The following SGCZ variants were observed in gnomAD, a reference collection of about 807,000 sequenced individuals.
SGCZ encodes sarcoglycan zeta, also known as zeta-sarcoglycan.
Under a neutral mutation model 41.3 loss-of-function variants are expected in SGCZ, and 40 were observed. That is an observed-to-expected ratio of 0.97 (90% CI 0.75 to 1.26). The LOEUF (loss-of-function observed/expected upper bound fraction) is 1.26. Ranked by LOEUF, SGCZ falls within the 50% of genes most tolerant of loss-of-function variation. SGCZ has a pLI of 0.00. For missense variants in SGCZ, 552 were observed against 369.8 expected (o/e 1.49, Z -4.04); for synonymous variants, 206 against 137.5 (o/e 1.50, Z -3.49).
chr8:14,533,646 C>G (rs750928466), intron 2 of SGCZ, among the ~76,000 whole-genome samples: 1 of 151,918 alleles, frequency 6.6e-6, no homozygotes, highest in East Asian at 1.9e-4. Context: ...CAGCCAGGCT[C>G]TTTTCTGGTA....
At chr8:15,063,692 A>T (rs545792176) in intron 1 of SGCZ, among the ~76,000 whole-genome samples, 37 of 152,228 alleles carry the variant, frequency 2.4e-4, no homozygotes, top group Non-Finnish European at 5.0e-4. Flanking sequence ...AGTGCTTCAC[A>T]GAAGACCAGT....
At chr8:14,798,705 G>A (rs1044016642) in intron 1 of SGCZ, among the ~76,000 whole-genome samples, 1 of 143,876 alleles carries the variant, frequency 7.0e-6, no homozygotes, top group Non-Finnish European at 1.5e-5. Context: ...GAAGTAAAAT[G>A]TACCCTACAA....
intron 1 of SGCZ, among the ~76,000 whole-genome samples, chr8:15,088,330 C>A (rs1192394558): frequency 6.6e-6 from 1 of 152,068 alleles, no homozygotes; most frequent in Non-Finnish European, 1.5e-5. Flanking sequence ...ATGTCTATGG[C>A]ATTTAATAAA....
chr8:14,103,920 AT>A (rs1381964197), intron 6 of SGCZ, among the ~76,000 whole-genome samples: 1 of 152,104 alleles, frequency 6.6e-6, no homozygotes, highest in East Asian at 1.9e-4. Context: ...GTTAAAATGT[AT>A]TTTTTATCAC....
At chr8:14,203,445 G>T (rs1307707404) in intron 4 of SGCZ, among the ~76,000 whole-genome samples, 2 of 151,964 alleles carry the variant, frequency 1.3e-5, no homozygotes, top group Non-Finnish European at 2.9e-5. Context: ...TTTTCCTTTT[G>T]ATTTTTGTGC....
chr8:14,472,649 C>T (rs1028399735), intron 2 of SGCZ, among the ~76,000 whole-genome samples: 3 of 152,074 alleles, frequency 2.0e-5, no homozygotes, highest in Non-Finnish European at 4.4e-5. Flanking sequence ...CTCTTCCATT[C>T]TACTGGTCTC....
intron 3 of SGCZ, among the ~76,000 whole-genome samples, chr8:14,280,014 T>G (rs1800367777): frequency 6.6e-6 from 1 of 151,970 alleles, no homozygotes; most frequent in Non-Finnish European, 1.5e-5. Flanking sequence ...TGCCACCATC[T>G]TTTTGAATGG....
intron 2 of SGCZ, among the ~76,000 whole-genome samples, chr8:14,551,477 ATAT>A (rs1400653055): frequency 2.0e-4 from 1 of 4,890 alleles, no homozygotes; most frequent in African/African-American, 6.4e-4. Context: ...TATATATTAT[ATAT>A]TATATATATT....
At chr8:14,293,519 C>T (rs868206288) in intron 3 of SGCZ, among the ~76,000 whole-genome samples, 2 of 151,812 alleles carry the variant, frequency 1.3e-5, no homozygotes, top group East Asian at 1.9e-4. Context: ...CTTTTAACTC[C>T]GAATGAAATT....
intron 1 of SGCZ, among the ~76,000 whole-genome samples, chr8:15,020,934 A>C (rs1190234120): frequency 6.6e-6 from 1 of 152,204 alleles, no homozygotes; most frequent in Non-Finnish European, 1.5e-5. Flanking sequence ...GTGGATTAGG[A>C]AATGAATCTA....
chr8:15,001,271 T>A (rs73665355), intron 1 of SGCZ, among the ~76,000 whole-genome samples: 9,280 of 152,190 alleles, frequency 0.061, 625 homozygotes, highest in African/African-American at 0.17. Flanking sequence ...CTTCAGGGAG[T>A]TTCAAACACC....
chr8:15,209,621 A>T (rs1411932853), intron 1 of SGCZ, among the ~76,000 whole-genome samples: 1 of 152,160 alleles, frequency 6.6e-6, no homozygotes, highest in African/African-American at 2.4e-5. Context: ...CAATTCTGTA[A>T]GTGAGAAGAT....
intron 2 of SGCZ, among the ~76,000 whole-genome samples, chr8:14,489,190 G>T (rs902820994): frequency 9.2e-5 from 14 of 151,976 alleles, no homozygotes; most frequent in African/African-American, 3.4e-4. Context: ...TAACAAGGCT[G>T]TTTTGCAAGA....
At chr8:14,329,061 C>A (rs530629373) in intron 2 of SGCZ, among the ~76,000 whole-genome samples, 3 of 142,862 alleles carry the variant, frequency 2.1e-5, no homozygotes, top group Non-Finnish European at 4.9e-5. Flanking sequence ...ATATTTTCTG[C>A]GTTTTTTTTT....
At chr8:15,149,451 G>C (rs1799119523) in intron 1 of SGCZ, among the ~76,000 whole-genome samples, 1 of 152,208 alleles carries the variant, frequency 6.6e-6, no homozygotes, top group South Asian at 2.1e-4. Context: ...CAAGTTACTT[G>C]AATTAAAATG....
intron 1 of SGCZ, among the ~76,000 whole-genome samples, chr8:15,062,899 A>G (rs1370901163): frequency 6.6e-6 from 1 of 152,150 alleles, no homozygotes; most frequent in Non-Finnish European, 1.5e-5. Flanking sequence ...AACTTTTTAA[A>G]GCATAGTTAA....
chr8:14,725,072 C>G (rs1810007310), intron 1 of SGCZ, among the ~76,000 whole-genome samples: 1 of 152,116 alleles, frequency 6.6e-6, no homozygotes, highest in Non-Finnish European at 1.5e-5. Context: ...TTTTTTAGCT[C>G]CCACATATGA....
At chr8:14,727,961 G>A (rs1198957312) in intron 1 of SGCZ, among the ~76,000 whole-genome samples, 3 of 152,166 alleles carry the variant, frequency 2.0e-5, no homozygotes, top group Non-Finnish European at 2.9e-5. Flanking sequence ...TAAGTGCACA[G>A]TAAAAAATAC....
At chr8:14,539,155 C>T (rs1283438382) in intron 2 of SGCZ, among the ~76,000 whole-genome samples, 1 of 151,986 alleles carries the variant, frequency 6.6e-6, no homozygotes, top group Admixed American at 6.6e-5. Flanking sequence ...TAGAATTCGG[C>T]CAGCAGATTA....
Sources: gnomAD v4.1 joint callset for allele counts (sites outside exome capture counted in the v4.1 genomes callset) on GRCh38, gnomAD v4.1.1 for gene constraint, MANE v1.5 for transcripts, NCBI Gene and HGNC (gene_info 2026-07-23, HGNC 2026-07-21) for gene names.